ITPRIP: variants seen among roughly 807,000 people sequenced by gnomAD.
ITPRIP encodes the protein inositol 1,4,5-trisphosphate receptor interacting protein.
A neutral mutation model predicts 35.8 loss-of-function variants in ITPRIP; 32 were observed. The ratio of observed to expected loss-of-function variants is 0.89; its 90% CI spans 0.68 to 1.20. ITPRIP has a LOEUF of 1.20. Among genes scored for constraint, ITPRIP ranks in the 50% most tolerant of loss-of-function variants. ITPRIP has a pLI of 0.00. For missense variants in ITPRIP, 653 were observed against 735.6 expected (o/e 0.89, Z 1.30); for synonymous variants, 358 against 324.0 (o/e 1.11, Z -1.13).
rs772285704 is a variant in ITPRIP at position 104,315,257 on chromosome 10, G to C, written c.795C>G (p.Asp265Glu). 5.6e-6 allele frequency: 9 copies of C among 1,609,776 alleles called. No homozygotes were observed. The Admixed American group carries it at 6.7e-5, about 12-fold the overall frequency. Residue 265 changes from aspartate (D) to glutamate (E), a missense_variant, in exon 2 of 2, where the codon GAC becomes GAG. By Grantham distance (45) the Asp-to-Glu change is conservative. Transcript: ENST00000337478. This position sits in a 1 kb window ranked among gnomAD's most constrained non-coding sequence, Gnocchi z 5.7. ...TCCTGCCGTGCAGGAGACACAGCAT[G>C]TCTTCCCCGAGCTTGGTCTTGCCGC... The part of the protein sequence containing the change: ...CICGKTKLGE[D>E]MLCLLHGRNS...
rs199982388 is a variant in ITPRIP at position 104,314,791 on chromosome 10, G to T, written c.1261C>A (p.Arg421Ser). 3.1e-6 allele frequency: 5 copies of T among 1,613,912 alleles called. No homozygotes were observed. In the South Asian group the frequency reaches 5.5e-5, roughly 18 times the overall value. ...IASFLLSKQS[R>S]LTGPSGLSSY... ...CTGAGCCCGCTGGGACCGGTCAGGC[G>T]GCTCTGCTTGGAGAGCAGGAAGGAT... Residue 421 changes from arginine (R) to serine (S), a missense_variant, in exon 2 of 2, where the codon CGC becomes AGC. By Grantham distance (110) the Arg-to-Ser change is moderately radical. Coordinates refer to ENST00000337478, the MANE Select transcript of ITPRIP (RefSeq NM_001272013.2).
rs1407472559 is a variant in ITPRIP, at chr10:104,313,755, G to A, written c.*653C>T. On this transcript the variant is annotated 3_prime_UTR_variant, in exon 2 of 2. Coordinates refer to ENST00000337478, the MANE Select transcript of ITPRIP (RefSeq NM_001272013.2). ...AGTGTAGCTGAAAAAGTGGCTAATT[G>A]TGTTTCTCTATGCCACCAAGTACCC... The A allele has an allele frequency of 1.0e-6, 1 of 985,526 alleles. No homozygotes were observed. The highest frequency in any genetic ancestry group is 1.2e-6 in the Non-Finnish European group (1 of 830,022). The allele number at this position is 985,526 out of a possible 1,614,324, so 61.0% of individuals were successfully genotyped here.
Position 104,315,516 on chromosome 10 carries a change from C to T in ITPRIP, c.536G>A (p.Cys179Tyr), listed in dbSNP as rs750732289. Residue 179 changes from cysteine (C) to tyrosine (Y), a missense_variant, in exon 2 of 2, where the codon TGC becomes TAC. Cys to Tyr is a radical substitution (Grantham distance 194). Coordinates refer to ENST00000337478, the MANE Select transcript of ITPRIP (RefSeq NM_001272013.2). The surrounding 1 kb of genome is among the most constrained non-coding windows in gnomAD (Gnocchi z 5.7). ...DDLLEALRSL[C>Y]NRDTDMEVED... ...CACCTCCATGTCGGTGTCCCGGTTGCAGAGGCTCCTCAGGGCTTCCAGCAA... is the reference window on the plus strand; with the variant it reads ...CACCTCCATGTCGGTGTCCCGGTTGTAGAGGCTCCTCAGGGCTTCCAGCAA... 1 of 1,614,112 alleles carries T rather than the reference C, an allele frequency of 6.2e-7. No individual in the cohort carries two copies. Among genetic ancestry groups the T allele is most frequent in the Non-Finnish European group, 8.5e-7 (1 of 1,180,030 alleles).
At position 104,333,321 on chromosome 10, in the gene ITPRIP, G is replaced by C. The variant is rs2135213189; in HGVS notation, c.-14+4925C>G. 1 of 152,620 alleles carries C rather than the reference G, an allele frequency of 6.6e-6. No homozygotes were observed. Among genetic ancestry groups the C allele is most frequent in the South Asian group, 2.1e-4 (1 of 4,836 alleles). 9.5% of individuals were successfully genotyped at this position (152,620 alleles called of 1,614,324 possible). A position where few individuals can be genotyped will look rare whatever the true frequency, so the allele number is the denominator to read the frequency against. The stretch of plus-strand genomic sequence containing the variant: ...GCTAACTGGGCCCATCCTCTCCCCA[G>C]CCTCTGAGAAACACACCTGTGAACG... On this transcript the variant is annotated intron_variant, in intron 1 of 1. Transcript: ENST00000337478. This position sits in a 1 kb window ranked among gnomAD's most constrained non-coding sequence, Gnocchi z 4.1.
chr10:104,331,786 C>T (rs1044374853), intron 1 of ITPRIP, among the ~76,000 whole-genome samples: 10 of 152,158 alleles, frequency 6.6e-5, no homozygotes, highest in Non-Finnish European at 5.9e-5. Flanking sequence ...CTTCCTTTCA[C>T]CCTCAGATAG....
chr10:104,316,707 C>A (rs186589589), intron 1 of ITPRIP, among the ~76,000 whole-genome samples: 1 of 152,286 alleles, frequency 6.6e-6, no homozygotes, highest in East Asian at 1.9e-4. Flanking sequence ...TCACACAAGT[C>A]AATAAAGAAA....
Position 104,315,458 on chromosome 10 carries a change from C to G in ITPRIP, c.594G>C (p.Glu198Asp). ...GCAGTGGCCTGTCCACCTGCCAGTT[C>G]TCGTACATGCTGTCCACGCCAATGA... ...EDFIGVDSMY[E>D]NWQVDRPLLC... The change falls in exon 2 of 2, where the codon GAG (glutamate) becomes GAC (aspartate). Residue 198 changes from glutamate (E) to aspartate (D), a missense_variant. Transcript: ENST00000337478. This position sits in a 1 kb window ranked among gnomAD's most constrained non-coding sequence, Gnocchi z 5.7. 1 of 1,611,694 alleles carries G rather than the reference C, an allele frequency of 6.2e-7. No individual in the cohort carries two copies. Among genetic ancestry groups the G allele is most frequent in the Non-Finnish European group, 8.5e-7 (1 of 1,178,306 alleles).
rs139238856 is a variant in ITPRIP at position 104,312,895 on chromosome 10, C to T, written c.*1513G>A. 1.5e-3 allele frequency: 1,496 copies of T among 985,434 alleles called. 3 individuals are homozygous for T. The highest frequency in any genetic ancestry group is 2.8e-3 in the South Asian group (59 of 21,276). 61.0% of individuals were successfully genotyped at this position (985,434 alleles called of 1,614,324 possible). ...ACACGGTATATTCTTGACTCCCTGG[C>T]CCCCTGCAAGGGTAACTGAAGTAAC... On this transcript the variant is annotated 3_prime_UTR_variant, in exon 2 of 2. Coordinates refer to ENST00000337478, the MANE Select transcript of ITPRIP (RefSeq NM_001272013.2).
At position 104,315,108 on chromosome 10, in the gene ITPRIP, A is replaced by C; in HGVS notation, c.944T>G (p.Ile315Ser). 6.2e-7 allele frequency: 1 copy of C among 1,614,170 alleles called. No homozygotes were observed. The highest frequency in any genetic ancestry group is 2.2e-5 in the East Asian group (1 of 44,860). The change falls in exon 2 of 2, where the codon ATC (isoleucine) becomes AGC (serine). Residue 315 changes from isoleucine (I) to serine (S), a missense_variant. Coordinates refer to ENST00000337478, the MANE Select transcript of ITPRIP (RefSeq NM_001272013.2). The surrounding 1 kb of genome is among the most constrained non-coding windows in gnomAD (Gnocchi z 5.7). ...CAGGTCGAACTCGTACTTGTGGGCG[A>C]TGCCCTTCCAGGCTCTGGTGAGGGC... The part of the protein sequence containing the change: ...QTALTRAWKG[I>S]AHKYEFDLAF...
rs2013512579 is a variant in ITPRIP, at chr10:104,312,463, T to G, written c.*1945A>C. On this transcript the variant is annotated 3_prime_UTR_variant, in exon 2 of 2. Coordinates refer to ENST00000337478, the MANE Select transcript of ITPRIP (RefSeq NM_001272013.2). ...ATGGGCCATAAATAAATAAGGAAATTTGCCCCGATTCTACAAATGCATCTG... is the reference window on the plus strand; with the variant it reads ...ATGGGCCATAAATAAATAAGGAAATGTGCCCCGATTCTACAAATGCATCTG... The G allele has an allele frequency of 4.5e-6, 1 of 220,900 alleles. No individual in the cohort carries two copies. Among genetic ancestry groups the G allele is most frequent in the Admixed American group, 6.5e-5 (1 of 15,336 alleles). 13.7% of individuals were successfully genotyped at this position (220,900 alleles called of 1,614,324 possible).
At chr10:104,329,043 GCACACA>G (rs66606338) in intron 1 of ITPRIP, 16,751 of 149,070 alleles carry the variant, frequency 0.11, 2,026 homozygotes, top group African/African-American at 0.31. Flanking sequence ...CTGCACGCAT[GCACACA>G]CACACACACA....
chr10:104,329,373 C>T (rs2014102779), intron 1 of ITPRIP, among the ~76,000 whole-genome samples: 1 of 152,114 alleles, frequency 6.6e-6, no homozygotes, highest in African/African-American at 2.4e-5. Context: ...GTACCTATGA[C>T]TACTCAGAGT....
At position 104,325,452 on chromosome 10, in the gene ITPRIP, C is replaced by T. The variant is rs1173729700; in HGVS notation, c.-13-9388G>A. ...CCTAGGCCTGATTACTCCCGTGTCTCCTCGTTGGCCCCAGCAGCCACATTC... is the reference window on the plus strand; with the variant it reads ...CCTAGGCCTGATTACTCCCGTGTCTTCTCGTTGGCCCCAGCAGCCACATTC... On this transcript the variant is annotated intron_variant, in intron 1 of 1. Transcript: ENST00000337478. Among the ~76,000 whole-genome samples, 3 of 152,210 alleles carry T rather than the reference C, an allele frequency of 2.0e-5. No homozygotes were observed. In the East Asian group the frequency reaches 5.8e-4, roughly 29 times the overall value.
chr10:104,314,433 G>C lies in ITPRIP; in HGVS notation c.1619C>G (p.Ser540Ter). 6.2e-7 allele frequency: 1 copy of C among 1,612,668 alleles called. No individual in the cohort carries two copies. Among genetic ancestry groups the C allele is most frequent in the Middle Eastern group, 1.7e-4 (1 of 6,060 alleles). Reference protein sequence around the residue: ...LISEYSLHVPSDQPTPKS With the variant: ...LISEYSLHVP ...TCAGCTTTTTGGGGTAGGCTGGTCT[G>C]AGGGGACATGTAGGGAATACTCGCT... The change falls in exon 2 of 2, where the codon TCA becomes TGA. Residue 540 changes from serine (S) to a stop codon, truncating the protein, a stop_gained. Coordinates refer to ENST00000337478, the MANE Select transcript of ITPRIP (RefSeq NM_001272013.2). LOFTEE classifies it high-confidence loss of function.
At chr10:104,324,734 T>C (rs1017188530) in intron 1 of ITPRIP, among the ~76,000 whole-genome samples, 1 of 152,158 alleles carries the variant, frequency 6.6e-6, no homozygotes, top group Non-Finnish European at 1.5e-5. Flanking sequence ...AGTGGACAGC[T>C]GAGAGGAGGG....
rs148248792 is a variant in ITPRIP at position 104,315,132 on chromosome 10, G to C, written c.920C>G (p.Ala307Gly). The part of the protein sequence containing the change: ...TMQVMKWFQT[A>G]LTRAWKGIAH... Reference sequence around the variant, plus strand: ...GATGCCCTTCCAGGCTCTGGTGAGGGCCGTCTGGAACCACTTCATGACCTG... The same window carrying C: ...GATGCCCTTCCAGGCTCTGGTGAGGCCCGTCTGGAACCACTTCATGACCTG... Residue 307 changes from alanine (A) to glycine (G), a missense_variant, in exon 2 of 2, where the codon GCC becomes GGC. Coordinates refer to ENST00000337478, the MANE Select transcript of ITPRIP (RefSeq NM_001272013.2). This position sits in a 1 kb window ranked among gnomAD's most constrained non-coding sequence, Gnocchi z 5.7. 5 of 1,613,978 alleles carry C rather than the reference G, an allele frequency of 3.1e-6. No individual in the cohort carries two copies. The African/African-American group carries it at 6.7e-5, about 22-fold the overall frequency.
At chr10:104,321,041 G>T (rs928233540) in intron 1 of ITPRIP, among the ~76,000 whole-genome samples, 1 of 152,174 alleles carries the variant, frequency 6.6e-6, no homozygotes, top group African/African-American at 2.4e-5. Context: ...CGGGTAGTGA[G>T]GAGCCTCTCA....
rs1377022810 is a variant in ITPRIP, at chr10:104,315,563, G to A, written c.489C>T (p.Phe163=). 1 of 1,614,028 alleles carries A rather than the reference G, an allele frequency of 6.2e-7. No homozygotes were observed. Among genetic ancestry groups the A allele is most frequent in the African/African-American group, 1.3e-5 (1 of 74,952 alleles). The stretch of plus-strand genomic sequence containing the variant: ...GCAAGTCATCCACGAAGCCTTCCAG[G>A]AACTCCCGGGTACGGGCTGCATCGG... The part of the protein sequence containing the change: ...ATADAARTRE[F]LEGFVDDLLE... Residue 163 remains phenylalanine, a synonymous_variant, in exon 2 of 2, where the codon TTC becomes TTT. Transcript: ENST00000337478. The surrounding 1 kb of genome is among the most constrained non-coding windows in gnomAD (Gnocchi z 5.7).
intron 1 of ITPRIP, among the ~76,000 whole-genome samples, chr10:104,327,738 G>A (rs2014057807): frequency 2.0e-5 from 3 of 152,332 alleles, no homozygotes; most frequent in South Asian, 4.1e-4. Context: ...CTGGTCCCAT[G>A]TGTCTCTATC....
Sources: allele counts gnomAD v4.1 joint callset (sites outside exome capture counted in the v4.1 genomes callset), GRCh38; gene constraint gnomAD v4.1.1; non-coding constraint Gnocchi (gnomAD v3.1); transcripts MANE v1.5; gene names NCBI Gene and HGNC (gene_info 2026-07-23, HGNC 2026-07-21).